TSGA10: variants seen among roughly 807,000 people sequenced by gnomAD.
TSGA10 encodes the protein testis-specific gene 10 protein.
A neutral mutation model predicts 96.6 loss-of-function variants in TSGA10; 43 were observed. The observed-to-expected ratio is 0.44, with a 90% CI of 0.35 to 0.57. The LOEUF (loss-of-function observed/expected upper bound fraction) is 0.57. Ranked by LOEUF, TSGA10 falls within the 20% of genes least tolerant of loss-of-function variation. The pLI is 0.01. For missense variants in TSGA10, 703 were observed against 834.4 expected (o/e 0.84, Z 1.94); for synonymous variants, 229 against 269.9 (o/e 0.85, Z 1.48).
intron 1 of TSGA10, among the ~76,000 whole-genome samples, chr2:99,128,719 A>G (rs2092942105): frequency 6.6e-6 from 1 of 152,106 alleles, no homozygotes; most frequent in Admixed American, 6.6e-5. Context: ...TACTTCTCCA[A>G]ATTTACCTCC....
intron 1 of TSGA10, among the ~76,000 whole-genome samples, chr2:99,131,813 A>G (rs1265995159): frequency 6.6e-6 from 1 of 152,156 alleles, no homozygotes; most frequent in Non-Finnish European, 1.5e-5. Context: ...TAGTTTACTG[A>G]GAGTTTTTAG....
chr2:99,027,347 A>C (rs1235660778), intron 17 of TSGA10, among the ~76,000 whole-genome samples: 1 of 152,246 alleles, frequency 6.6e-6, no homozygotes, highest in Non-Finnish European at 1.5e-5. Flanking sequence ...GAATCTAAAC[A>C]AGCTGACTTT....
chr2:99,064,846 G>T (rs1017686992), intron 16 of TSGA10, 93 bp downstream of exon 16: 2 of 1,027,290 alleles, frequency 1.9e-6, no homozygotes, highest in Non-Finnish European at 2.8e-6. Context: ...AATAATTTAC[G>T]TGTTTGTTCA....
chr2:99,134,198 C>T (rs1574656091), intron 1 of TSGA10, among the ~76,000 whole-genome samples: 1 of 152,244 alleles, frequency 6.6e-6, no homozygotes, highest in East Asian at 1.9e-4. Context: ...GTTCCATTCT[C>T]GTCACTTTCA....
At chr2:99,044,352 A>C (rs2082523015) in intron 16 of TSGA10, among the ~76,000 whole-genome samples, 1 of 59,306 alleles carries the variant, frequency 1.7e-5, no homozygotes, top group South Asian at 4.9e-4. Flanking sequence ...AATGGAAAGC[A>C]AAAAAAAAAA....
At chr2:99,141,248 C>T (rs868378210) in intron 1 of TSGA10, 8 of 924,338 alleles carry the variant, frequency 8.7e-6, no homozygotes, top group Middle Eastern at 2.8e-4. Flanking sequence ...CTGGCCCCGC[C>T]CCGGCGGATC....
chr2:99,094,599 T>C (rs997980927), intron 10 of TSGA10, among the ~76,000 whole-genome samples: 5 of 152,046 alleles, frequency 3.3e-5, no homozygotes, highest in Non-Finnish European at 7.4e-5. Flanking sequence ...AGGACATGAA[T>C]AGATAATTTT....
chr2:99,032,024 T>A (rs1172701441), intron 17 of TSGA10, among the ~76,000 whole-genome samples: 1 of 152,152 alleles, frequency 6.6e-6, no homozygotes, highest in Non-Finnish European at 1.5e-5. Flanking sequence ...TATTGCTGAG[T>A]GGCAAGTGAA....
At chr2:99,132,997 G>A (rs1260396691) in intron 1 of TSGA10, among the ~76,000 whole-genome samples, 1 of 152,154 alleles carries the variant, frequency 6.6e-6, no homozygotes, top group East Asian at 1.9e-4. Context: ...GCTGGGGAGT[G>A]TTTTACTTCA....
intron 20 of TSGA10, among the ~76,000 whole-genome samples, chr2:99,014,719 TAAAC>T (rs2079337064): frequency 1.3e-5 from 2 of 151,938 alleles, no homozygotes; most frequent in African/African-American, 4.8e-5. Context: ...TTTGAAAAGA[TAAAC>T]AAAATTGATA....
intron 10 of TSGA10, among the ~76,000 whole-genome samples, chr2:99,095,932 C>T (rs2089987030): frequency 6.6e-6 from 1 of 152,240 alleles, no homozygotes; most frequent in East Asian, 1.9e-4. Flanking sequence ...AGCCACTGTG[C>T]CTAGCCAAAA....
Position 99,133,352 on chromosome 2 carries a change from CTTGTT to C in TSGA10, c.-620-6181_-620-6177del, listed in dbSNP as rs1404041159. Among the ~76,000 whole-genome samples, 9 of 152,178 alleles carry C rather than the reference CTTGTT, an allele frequency of 5.9e-5. No individual in the cohort carries two copies. In the East Asian group the frequency reaches 1.5e-3, roughly 26 times the overall value. Reference sequence around the variant, plus strand: ...ACCATTATGTAATGCCCTTCTTTGTCTTGTTTTGATCTTTGTTGGTTTAAAGTCTG... The same window carrying C: ...ACCATTATGTAATGCCCTTCTTTGTCTTGATCTTTGTTGGTTTAAAGTCTG... On this transcript the variant is annotated intron_variant, in intron 1 of 20. Coordinates refer to ENST00000393483, the MANE Select transcript of TSGA10 (RefSeq NM_025244.4).
intron 1 of TSGA10, among the ~76,000 whole-genome samples, chr2:99,130,346 A>C (rs944795895): frequency 8.5e-5 from 13 of 152,136 alleles, no homozygotes; most frequent in Non-Finnish European, 1.6e-4. Context: ...ATGGTATCTC[A>C]TTGTGGTTTT....
chr2:99,104,146 G>A, intron 9 of TSGA10, 28 bp from the exon 10 acceptor site: 1 of 1,610,206 alleles, frequency 6.2e-7, no homozygotes, highest in South Asian at 1.1e-5. Flanking sequence ...CAAGGTTACT[G>A]CCATCACTAA....
intron 10 of TSGA10, among the ~76,000 whole-genome samples, chr2:99,090,105 C>A (rs145263540): frequency 4.6e-5 from 7 of 152,172 alleles, no homozygotes; most frequent in Non-Finnish European, 8.8e-5. Context: ...ACAAACACCC[C>A]CCAGTACCAG....
chr2:99,009,571 CAAAAAAAAAAAAAAA>C (rs765452742), intron 20 of TSGA10, among the ~76,000 whole-genome samples: 2 of 45,434 alleles, frequency 4.4e-5, no homozygotes, highest in African/African-American at 1.5e-4. Flanking sequence ...GACCCTGTCT[CAAAAAAAAAAAAAAA>C]AAAAAAAAAA....
chr2:99,109,294 T>C, intron 6 of TSGA10, 95 bp downstream of exon 6: 1 of 1,403,258 alleles, frequency 7.1e-7, no homozygotes, highest in Non-Finnish European at 1.0e-6. Context: ...TCACAGCAAA[T>C]CAAAACAAAT....
At chr2:99,081,236 C>T in intron 11 of TSGA10, 46 bp downstream of exon 11, 1 of 1,140,626 alleles carries the variant, frequency 8.8e-7, no homozygotes. Flanking sequence ...TCTTTGCTAC[C>T]AAACTTAAGA....
At chr2:99,066,266 T>C (rs1177762211) in intron 15 of TSGA10, among the ~76,000 whole-genome samples, 3 of 152,222 alleles carry the variant, frequency 2.0e-5, no homozygotes, top group Admixed American at 2.0e-4. Flanking sequence ...AACTACCTTA[T>C]TGGCTTTCAA....
Sources: gnomAD v4.1 joint callset for allele counts (sites outside exome capture counted in the v4.1 genomes callset) on GRCh38, gnomAD v4.1.1 for gene constraint, MANE v1.5 for transcripts, NCBI Gene and HGNC (gene_info 2026-07-23, HGNC 2026-07-21) for gene names.